Variants in SLC1A2 observed in about 807,000 individuals in gnomAD.
SLC1A2 encodes the protein excitatory amino acid transporter 2.
SLC1A2 carries 15 observed loss-of-function variants against 48.8 expected under a neutral mutation model. The ratio of observed to expected loss-of-function variants is 0.31; its 90% CI spans 0.21 to 0.47. The LOEUF (loss-of-function observed/expected upper bound fraction) is 0.47. SLC1A2 is among the 20% of genes least tolerant of loss of function. The pLI is 0.99. For missense variants in SLC1A2, 502 were observed against 730.5 expected (o/e 0.69, Z 3.61); for synonymous variants, 279 against 272.6 (o/e 1.02, Z -0.23).
At chr11:35,365,311 A>G (rs1046014031) in intron 1 of SLC1A2, among the ~76,000 whole-genome samples, 1 of 152,184 alleles carries the variant, frequency 6.6e-6, no homozygotes, top group East Asian at 1.9e-4. Context: ...CTCCTTACAC[A>G]TGATCAATGA....
intron 1 of SLC1A2, among the ~76,000 whole-genome samples, chr11:35,347,670 G>A (rs1853091370): frequency 6.6e-6 from 1 of 152,228 alleles, no homozygotes; most frequent in Non-Finnish European, 1.5e-5. Context: ...ATTTAGAGCA[G>A]CAGTTGTATT....
chr11:35,366,869 G>A (rs2135150090), intron 1 of SLC1A2, among the ~76,000 whole-genome samples: 1 of 152,320 alleles, frequency 6.6e-6, no homozygotes, highest in South Asian at 2.1e-4. Flanking sequence ...AGAAGGTACA[G>A]TAAATGCATG....
chr11:35,365,734 T>A (rs1197873655), intron 1 of SLC1A2, among the ~76,000 whole-genome samples: 1 of 152,206 alleles, frequency 6.6e-6, no homozygotes, highest in African/African-American at 2.4e-5. Context: ...TTACAGTTTA[T>A]ATGTCTGTCT....
intron 1 of SLC1A2, among the ~76,000 whole-genome samples, chr11:35,384,846 G>A (rs1364032509): frequency 6.6e-6 from 1 of 152,194 alleles, no homozygotes; most frequent in East Asian, 1.9e-4. Context: ...AGCCTAGAGA[G>A]GTGACAGTAA....
At chr11:35,399,375 T>A (rs1855069280) in intron 1 of SLC1A2, among the ~76,000 whole-genome samples, 1 of 152,194 alleles carries the variant, frequency 6.6e-6, no homozygotes, top group African/African-American at 2.4e-5. Context: ...ACCCAGATAA[T>A]GAAGCCATTT....
At chr11:35,283,984 T>C (rs529957108) in intron 8 of SLC1A2, among the ~76,000 whole-genome samples, 7 of 151,100 alleles carry the variant, frequency 4.6e-5, no homozygotes, top group Admixed American at 6.6e-5. Flanking sequence ...CCAGGCACCA[T>C]GTTCTCAGCC....
At chr11:35,416,765 G>T (rs1855614229) in intron 1 of SLC1A2, among the ~76,000 whole-genome samples, 1 of 152,206 alleles carries the variant, frequency 6.6e-6, no homozygotes, top group Admixed American at 6.5e-5. Flanking sequence ...TAACAAAGGA[G>T]ACAGCCTGAG....
At chr11:35,304,474 A>C (rs902965456) in intron 5 of SLC1A2, among the ~76,000 whole-genome samples, 6 of 151,976 alleles carry the variant, frequency 3.9e-5, no homozygotes, top group Non-Finnish European at 8.8e-5. Context: ...GGTGCTGGGG[A>C]TATTTGCAAA....
chr11:35,370,574 TGGA>T (rs1236815419), intron 1 of SLC1A2, among the ~76,000 whole-genome samples: 2 of 151,818 alleles, frequency 1.3e-5, no homozygotes, highest in African/African-American at 2.4e-5. Context: ...ACATATGGGT[TGGA>T]GGAGAAGCCC....
At chr11:35,262,388 A>AT (rs1379667940) in intron 10 of SLC1A2, among the ~76,000 whole-genome samples, 1 of 152,104 alleles carries the variant, frequency 6.6e-6, no homozygotes, top group Non-Finnish European at 1.5e-5. Flanking sequence ...GGGACAGCAG[A>AT]TTTTTTTGGC....
chr11:35,395,444 C>A (rs1040910888), intron 1 of SLC1A2, among the ~76,000 whole-genome samples: 3 of 152,020 alleles, frequency 2.0e-5, no homozygotes, highest in African/African-American at 4.8e-5. Flanking sequence ...TCCAAGGGAG[C>A]AGCACAAAGT....
At chr11:35,390,961 C>T (rs1245918858) in intron 1 of SLC1A2, 1 of 152,150 alleles carries the variant, frequency 6.6e-6, no homozygotes, top group Non-Finnish European at 1.5e-5. Flanking sequence ...CCACCACGCC[C>T]GGGCATAAAA....
intron 4 of SLC1A2, 105 bp from the exon 5 acceptor site, chr11:35,306,347 A>C: frequency 1.3e-6 from 1 of 776,846 alleles, no homozygotes; most frequent in African/African-American, 1.7e-5. Context: ...ACAGGTTAAC[A>C]ATAATTAAGA....
Position 35,419,502 on chromosome 11 carries a change from G to C in SLC1A2, c.-536C>G, listed in dbSNP as rs962215961. 6.3e-6 allele frequency: 1 copy of C among 159,444 alleles called. No homozygotes were observed. The highest frequency in any genetic ancestry group is 2.4e-5 in the African/African-American group (1 of 41,602). The allele number at this position is 159,444 out of a possible 1,614,324, so 9.9% of individuals were successfully genotyped here. A position where few individuals can be genotyped will look rare whatever the true frequency, so the allele number is the denominator to read the frequency against. ...AGGGATTGCAAGGTTTAGCCCCGCC[G>C]GAGCTGGGGATTTGCAGGCGATCCC... On this transcript the variant is annotated 5_prime_UTR_variant, in exon 1 of 11. Transcript: ENST00000278379. The surrounding 1 kb of genome is among the most constrained non-coding windows in gnomAD (Gnocchi z 5.4).
Position 35,312,870 on chromosome 11 carries a change from C to T in SLC1A2, c.311-422G>A, listed in dbSNP as rs375303589. On this transcript the variant is annotated intron_variant, in intron 3 of 10. Transcript: ENST00000278379. ...TGTGGGACTCACAGATATGCAGGGC[C>T]GACTGTATTGAATATTTGATCAATC... 1.4e-4 allele frequency among the ~76,000 whole-genome samples: 21 copies of T among 152,202 alleles called. No homozygotes were observed. The South Asian group carries it at 1.5e-3, about 11-fold the overall frequency.
intron 1 of SLC1A2, among the ~76,000 whole-genome samples, chr11:35,375,736 C>T (rs907946431): frequency 6.6e-6 from 1 of 152,186 alleles, no homozygotes; most frequent in Non-Finnish European, 1.5e-5. Flanking sequence ...TGGGCCTGGA[C>T]TGGGATGAGG....
chr11:35,396,453 T>A (rs1275395052), intron 1 of SLC1A2, among the ~76,000 whole-genome samples: 1 of 131,546 alleles, frequency 7.6e-6, no homozygotes, highest in African/African-American at 2.9e-5. Context: ...TTTCATGTGT[T>A]TTTTGGCTGC....
At chr11:35,264,411 G>C (rs948535989) in intron 10 of SLC1A2, among the ~76,000 whole-genome samples, 2 of 152,234 alleles carry the variant, frequency 1.3e-5, no homozygotes, top group African/African-American at 4.8e-5. Context: ...GCTGGGTTCA[G>C]CTTGTCCTCA....
chr11:35,409,691 C>A (rs983774323), intron 1 of SLC1A2, among the ~76,000 whole-genome samples: 3 of 152,092 alleles, frequency 2.0e-5, no homozygotes, highest in Non-Finnish European at 4.4e-5. Context: ...GATGGATTAC[C>A]TGAGGTCAGG....
Sources: allele counts gnomAD v4.1 joint callset (sites outside exome capture counted in the v4.1 genomes callset), GRCh38; gene constraint gnomAD v4.1.1; non-coding constraint Gnocchi (gnomAD v3.1); transcripts MANE v1.5; gene names NCBI Gene and HGNC (gene_info 2026-07-23, HGNC 2026-07-21).